The following RNF152 variants were observed in gnomAD, a reference collection of about 807,000 sequenced individuals.
RNF152 encodes E3 ubiquitin-protein ligase RNF152.
RNF152 carries 11 observed loss-of-function variants against 12.7 expected under a neutral mutation model. The observed-to-expected ratio is 0.86, with a 90% CI of 0.54 to 1.43. The LOEUF is 1.43. RNF152 is among the 40% of genes most tolerant of loss of function. The pLI, the probability that RNF152 is intolerant of heterozygous loss-of-function variation, is 0.00. For synonymous variants in RNF152, 113 were observed against 120.3 expected (o/e 0.94, Z 0.40); for missense variants, 255 against 274.8 (o/e 0.93, Z 0.51).
intron 1 of RNF152, among the ~76,000 whole-genome samples, chr18:61,852,670 G>C (rs1325223382): frequency 6.6e-6 from 1 of 152,094 alleles, no homozygotes; most frequent in Admixed American, 6.5e-5. Context: ...AAAAATTCCA[G>C]TGCTGTGGTT....
chr18:61,886,201 T>C (rs79556987), intron 1 of RNF152, among the ~76,000 whole-genome samples: 171 of 152,058 alleles, frequency 1.1e-3, no homozygotes, highest in Non-Finnish European at 1.0e-4. Context: ...CTCTTAAAAA[T>C]AAGTTTCTAT....
intron 1 of RNF152, among the ~76,000 whole-genome samples, chr18:61,839,761 G>A (rs1179437683): frequency 2.0e-5 from 3 of 152,148 alleles, no homozygotes; most frequent in Non-Finnish European, 4.4e-5. Flanking sequence ...TGGGCGTGGT[G>A]GTGGGTGCCT....
chr18:61,885,493 A>G (rs922502433), intron 1 of RNF152, among the ~76,000 whole-genome samples: 1 of 152,114 alleles, frequency 6.6e-6, no homozygotes, highest in Non-Finnish European at 1.5e-5. Context: ...TTTTTAGTAG[A>G]GATGGGATTT....
intron 1 of RNF152, among the ~76,000 whole-genome samples, chr18:61,826,772 C>T (rs1256141280): frequency 2.6e-5 from 4 of 152,234 alleles, no homozygotes; most frequent in Admixed American, 6.5e-5. Context: ...ACACCTACCT[C>T]GAAATCAGCT....
chr18:61,821,009 G>A (rs553650262), intron 1 of RNF152, among the ~76,000 whole-genome samples: 1 of 152,292 alleles, frequency 6.6e-6, no homozygotes, highest in South Asian at 2.1e-4. Context: ...GGTTCAGAGA[G>A]GACAGTGCTT....
intron 1 of RNF152, among the ~76,000 whole-genome samples, chr18:61,831,925 G>C (rs1005862281): frequency 2.0e-5 from 3 of 151,960 alleles, no homozygotes; most frequent in Admixed American, 6.6e-5. Context: ...ATGTGTGTGG[G>C]GGGGTGTGGG....
intron 1 of RNF152, among the ~76,000 whole-genome samples, chr18:61,887,173 A>G (rs1028619516): frequency 2.0e-5 from 3 of 152,210 alleles, no homozygotes; most frequent in Admixed American, 6.5e-5. Flanking sequence ...GGAAAACTTG[A>G]AAAGCAAAAC....
At chr18:61,856,846 C>T (rs770891313) in intron 1 of RNF152, among the ~76,000 whole-genome samples, 1 of 152,150 alleles carries the variant, frequency 6.6e-6, no homozygotes, top group African/African-American at 2.4e-5. Context: ...AAAAAAGCGA[C>T]AGGAAAATTG....
intron 1 of RNF152, among the ~76,000 whole-genome samples, chr18:61,831,923 G>T (rs950351110): frequency 3.1e-5 from 2 of 64,738 alleles, no homozygotes. Context: ...TTATGTGTGT[G>T]GGGGGGTGTG....
At chr18:61,880,910 TTTC>T (rs1009386412) in intron 1 of RNF152, among the ~76,000 whole-genome samples, 3 of 143,722 alleles carry the variant, frequency 2.1e-5, no homozygotes, top group African/African-American at 8.2e-5. Flanking sequence ...TCTCTCTAGT[TTTC>T]TTTTTTTTTT....
chr18:61,855,997 A>G lies in RNF152; in HGVS notation c.-136+36798T>C, dbSNP rs192388493. On this transcript the variant is annotated intron_variant, in intron 1 of 1. Coordinates refer to ENST00000312828, the MANE Select transcript of RNF152 (RefSeq NM_173557.3). The stretch of plus-strand genomic sequence containing the variant: ...TTCCCTACAACCAGGTACTTAAAGA[A>G]CTCTGTGTTCTAGTCCTGACTCTGA... Among the ~76,000 whole-genome samples, 569 of 152,188 alleles carry G rather than the reference A, an allele frequency of 3.7e-3. 3 individuals are homozygous for G. The highest frequency in any genetic ancestry group is 0.012 in the African/African-American group (494 of 41,530).
In RNF152 at chr18:61,816,052, C is replaced by G; in HGVS notation, c.412G>C (p.Glu138Gln). 1.2e-6 allele frequency: 2 copies of G among 1,614,250 alleles called. No homozygotes were observed. The highest frequency in any genetic ancestry group is 1.6e-4 in the Middle Eastern group (1 of 6,062). Residue 138 changes from glutamate to glutamine, a missense_variant, in exon 2 of 2, where the codon GAA (glutamate) becomes CAA (glutamine). Physicochemically the swap from Glu to Gln is conservative, Grantham distance 29. Coordinates refer to ENST00000312828, the MANE Select transcript of RNF152 (RefSeq NM_173557.3). The part of the protein sequence containing the change: ...KSVTVVTIPA[E>Q]QQPLQGGAPQ... ...GCCCCACCTTGCAGAGGCTGCTGTT[C>G]AGCAGGGATGGTCACCACGGTGACG...
intron 1 of RNF152, among the ~76,000 whole-genome samples, chr18:61,860,813 T>C (rs1034803176): frequency 6.6e-6 from 1 of 152,166 alleles, no homozygotes; most frequent in Admixed American, 6.5e-5. Flanking sequence ...TGGGACAAGA[T>C]GTGGAGGTGG....
intron 1 of RNF152, among the ~76,000 whole-genome samples, chr18:61,884,243 A>AG (rs60839455): frequency 0.52 from 79,462 of 151,862 alleles, 20,849 homozygotes; most frequent in East Asian, 0.75. Flanking sequence ...TGAAGAACAA[A>AG]CTCAGTCAGA....
intron 1 of RNF152, among the ~76,000 whole-genome samples, chr18:61,873,889 C>T (rs934091242): frequency 3.9e-5 from 6 of 152,150 alleles, no homozygotes; most frequent in Admixed American, 1.3e-4. Context: ...GTACTAATTA[C>T]TGGGCATTTG....
Position 61,816,245 on chromosome 18 carries a change from C to A in RNF152, c.219G>T (p.Pro73=), listed in dbSNP as rs143298143. The A allele has an allele frequency of 1.2e-6, 2 of 1,614,202 alleles. No homozygotes were observed. Among genetic ancestry groups the A allele is most frequent in the South Asian group, 2.2e-5 (2 of 91,076 alleles). Residue 73 remains proline (P), a synonymous_variant, in exon 2 of 2, where the codon CCG becomes CCT. Transcript: ENST00000312828. ...GFSVSQLPDD[P]EVLAVIAIPH... ...GAATGGCGATGACAGCCAGGACCTC[C>A]GGGTCGTCCGGGAGCTGCGACACGG...
At chr18:61,860,498 T>C (rs943075539) in intron 1 of RNF152, among the ~76,000 whole-genome samples, 29 of 152,246 alleles carry the variant, frequency 1.9e-4, no homozygotes, top group Admixed American at 7.2e-4. Context: ...CTGCAACGCA[T>C]TACTCACATG....
chr18:61,879,482 T>C (rs1309637028), intron 1 of RNF152, among the ~76,000 whole-genome samples: 2 of 152,102 alleles, frequency 1.3e-5, no homozygotes, highest in African/African-American at 2.4e-5. Flanking sequence ...CGACTGTATA[T>C]ATGGTACTTA....
Position 61,881,995 on chromosome 18 carries a change from G to T in RNF152, c.-136+10800C>A, listed in dbSNP as rs866233055. On this transcript the variant is annotated intron_variant, in intron 1 of 1. Transcript: ENST00000312828. ...AATTTTTAATAGATCTGACACCTCTGTTGGAAAAAAGAAAAGTAAACTACA... is the reference window on the plus strand; with the variant it reads ...AATTTTTAATAGATCTGACACCTCTTTTGGAAAAAAGAAAAGTAAACTACA... Among the ~76,000 whole-genome samples the T allele has an allele frequency of 3.9e-5, 6 of 152,156 alleles. No individual in the cohort carries two copies. In the South Asian group the frequency reaches 1.2e-3, roughly 31 times the overall value.
Sources: gnomAD v4.1 joint callset for allele counts (sites outside exome capture counted in the v4.1 genomes callset) on GRCh38, gnomAD v4.1.1 for gene constraint, MANE v1.5 for transcripts, NCBI Gene and HGNC (gene_info 2026-07-23, HGNC 2026-07-21) for gene names.